Variants in NME7 observed in about 807,000 individuals in gnomAD.
NME7 encodes NME/NM23 family member 7, also known as nucleoside diphosphate kinase 7.
In NME7, 41 loss-of-function variants were observed where a neutral mutation model predicts 49.1. That is an observed-to-expected ratio of 0.83 (90% CI 0.65 to 1.08). The LOEUF (loss-of-function observed/expected upper bound fraction) is 1.08, where lower values mean the gene tolerates loss of function less well. Ranked by LOEUF, NME7 falls within the 50% of genes least tolerant of loss-of-function variation. The pLI is 0.00. For missense variants in NME7, 423 were observed against 463.4 expected (o/e 0.91, Z 0.80); for synonymous variants, 139 against 150.6 (o/e 0.92, Z 0.56).
intron 10 of NME7, among the ~76,000 whole-genome samples, chr1:169,170,473 G>T (rs7541675): frequency 0.37 from 56,420 of 151,958 alleles, 11,040 homozygotes; most frequent in East Asian, 0.73. Flanking sequence ...ATTTGCCAGG[G>T]TTCCATCAAA....
chr1:169,333,634 T>C (rs1652345799), intron 1 of NME7, among the ~76,000 whole-genome samples: 1 of 151,972 alleles, frequency 6.6e-6, no homozygotes, highest in South Asian at 2.1e-4. Context: ...TATGTACCCA[T>C]AAACATTTAA....
intron 7 of NME7, among the ~76,000 whole-genome samples, chr1:169,241,927 A>G (rs1305418669): frequency 1.3e-5 from 2 of 151,740 alleles, no homozygotes; most frequent in Non-Finnish European, 2.9e-5. Flanking sequence ...TAAATATAAA[A>G]ATACTTTTTA....
intron 1 of NME7, among the ~76,000 whole-genome samples, chr1:169,365,866 G>C (rs554753448): frequency 1.2e-4 from 19 of 152,134 alleles, no homozygotes; most frequent in African/African-American, 4.3e-4. Context: ...AGAAGAGGGA[G>C]GAATGTAGGA....
At chr1:169,329,324 A>G (rs1652176381) in intron 1 of NME7, among the ~76,000 whole-genome samples, 1 of 151,544 alleles carries the variant, frequency 6.6e-6, no homozygotes, top group Non-Finnish European at 1.5e-5. Flanking sequence ...CTTCTGGATA[A>G]GTAATATTTG....
At chr1:169,250,478 G>C (rs1020474093) in intron 7 of NME7, among the ~76,000 whole-genome samples, 4 of 151,954 alleles carry the variant, frequency 2.6e-5, no homozygotes, top group Non-Finnish European at 5.9e-5. Context: ...AATTCATTTA[G>C]ATCTGCTCTG....
intron 10 of NME7, among the ~76,000 whole-genome samples, chr1:169,177,046 G>A (rs544965543): frequency 1.3e-5 from 2 of 152,166 alleles, no homozygotes; most frequent in South Asian, 4.1e-4. Context: ...GAAAGCAAGA[G>A]AGGCATTCTT....
rs529994249 is a variant in NME7 at position 169,247,950 on chromosome 1, G to C, written c.755-10263C>G. ...GAATTGTGTTGCAATAAACATATGC[G>C]TGCAAGTGTCTTTAATATAATCACT... is the stretch of plus-strand genomic sequence containing the variant. On this transcript the variant is annotated intron_variant, in intron 7 of 11. Transcript: ENST00000367811. 2.0e-5 allele frequency among the ~76,000 whole-genome samples: 3 copies of C among 152,242 alleles called. No homozygotes were observed. The South Asian group carries it at 6.2e-4, about 32-fold the overall frequency.
intron 11 of NME7, among the ~76,000 whole-genome samples, chr1:169,157,729 G>GGCT (rs775498409): frequency 1.3e-5 from 2 of 152,182 alleles, no homozygotes; most frequent in Admixed American, 6.5e-5. Flanking sequence ...AAAGTTAAGA[G>GGCT]GCTGCTGCTG....
chr1:169,211,816 T>C (rs1161471745), intron 10 of NME7, among the ~76,000 whole-genome samples: 1 of 152,190 alleles, frequency 6.6e-6, no homozygotes, highest in African/African-American at 2.4e-5. Flanking sequence ...CTCTGACTTG[T>C]AAATTTGAAT....
At chr1:169,147,443 T>C (rs1658789707) in intron 11 of NME7, among the ~76,000 whole-genome samples, 1 of 152,212 alleles carries the variant, frequency 6.6e-6, no homozygotes, top group African/African-American at 2.4e-5. Flanking sequence ...CTGTGCTCTG[T>C]TATGTTCTAG....
At chr1:169,138,907 T>A (rs1363116997) in intron 11 of NME7, among the ~76,000 whole-genome samples, 2 of 152,188 alleles carry the variant, frequency 1.3e-5, no homozygotes, top group Non-Finnish European at 2.9e-5. Context: ...TTTGCTAATA[T>A]AACTAAAGGC....
intron 7 of NME7, among the ~76,000 whole-genome samples, chr1:169,240,799 T>C (rs1223729076): frequency 6.6e-6 from 1 of 152,092 alleles, no homozygotes; most frequent in African/African-American, 2.4e-5. Context: ...TGTTATACAA[T>C]GTATTGGGAA....
At chr1:169,146,437 C>T (rs1320644941) in intron 11 of NME7, among the ~76,000 whole-genome samples, 1 of 151,966 alleles carries the variant, frequency 6.6e-6, no homozygotes, top group African/African-American at 2.4e-5. Context: ...CAGCCAAAGC[C>T]CTTTGGAGTA....
At position 169,164,728 on chromosome 1, in the gene NME7, A is replaced by G. The variant is rs1355097372; in HGVS notation, c.1098+4719T>C. ...ATTTCCATTGTTAATGATCACAAAT[A>G]CTCCTTCCATGAACATCTGTGCAGA... is the stretch of plus-strand genomic sequence containing the variant. On this transcript the variant is annotated intron_variant, in intron 11 of 11. Coordinates refer to ENST00000367811, the MANE Select transcript of NME7 (RefSeq NM_013330.5). Among the ~76,000 whole-genome samples, 4 of 152,116 alleles carry G rather than the reference A, an allele frequency of 2.6e-5. No individual in the cohort carries two copies. The East Asian group carries it at 7.7e-4, about 29-fold the overall frequency.
intron 1 of NME7, among the ~76,000 whole-genome samples, chr1:169,350,896 A>G (rs1033648073): frequency 2.0e-5 from 3 of 152,182 alleles, no homozygotes; most frequent in African/African-American, 7.2e-5. Context: ...GCCTTTCAGT[A>G]TGTCCCAACT....
intron 7 of NME7, among the ~76,000 whole-genome samples, chr1:169,248,810 G>C (rs1203404350): frequency 1.3e-5 from 2 of 151,956 alleles, no homozygotes; most frequent in African/African-American, 4.8e-5. Context: ...TTTATTTCTG[G>C]GTTCTCTATT....
intron 10 of NME7, among the ~76,000 whole-genome samples, chr1:169,179,463 T>C (rs952369985): frequency 6.6e-6 from 1 of 152,190 alleles, no homozygotes; most frequent in African/African-American, 2.4e-5. Flanking sequence ...ACTGGGTATA[T>C]ACTCAAAGGA....
intron 11 of NME7, among the ~76,000 whole-genome samples, chr1:169,149,541 T>C (rs1658850784): frequency 6.6e-6 from 1 of 152,190 alleles, no homozygotes; most frequent in South Asian, 2.1e-4. Flanking sequence ...TGTTTTTTCT[T>C]ATACAAACAT....
chr1:169,261,689 C>G (rs1395569585), intron 7 of NME7, among the ~76,000 whole-genome samples: 4 of 133,618 alleles, frequency 3.0e-5, no homozygotes, highest in East Asian at 2.0e-4. Context: ...AAAGGAAATG[C>G]AAGATGGTCC....
Sources: gnomAD v4.1 joint callset for allele counts (sites outside exome capture counted in the v4.1 genomes callset) on GRCh38, gnomAD v4.1.1 for gene constraint, MANE v1.5 for transcripts, NCBI Gene and HGNC (gene_info 2026-07-23, HGNC 2026-07-21) for gene names.